The following PARD6A variants were observed in gnomAD, a reference collection of about 807,000 sequenced individuals.
PARD6A encodes partitioning defective 6 homolog alpha.
In PARD6A, 20 loss-of-function variants were observed where a neutral mutation model predicts 21.3. That is an observed-to-expected ratio of 0.94 (90% CI 0.66 to 1.36). The LOEUF is 1.36. PARD6A is among the 40% of genes most tolerant of loss of function. The pLI is 0.00. For missense variants in PARD6A, 411 were observed against 482.0 expected (o/e 0.85, Z 1.38); for synonymous variants, 214 against 204.8 (o/e 1.04, Z -0.38).
Position 67,661,942 on chromosome 16 carries a change from G to C in PARD6A, c.333G>C (p.Arg111=). ...CTTTTGCCTCCAACTCTCTGCAGCG[G>C]CGCAAGAAAGGGCTCTTGCTGCGGC... ...GLAFASNSLQ[R]RKKGLLLRPV... The change falls in exon 3 of 3, where the codon CGG becomes CGC. Residue 111 remains arginine (R), a synonymous_variant. Coordinates refer to ENST00000458121, the MANE Select transcript of PARD6A (RefSeq NM_001037281.2). The surrounding 1 kb of genome is among the most constrained non-coding windows in gnomAD (Gnocchi z 7.0). 1 of 1,610,046 alleles carries C rather than the reference G, an allele frequency of 6.2e-7. No homozygotes were observed. The highest frequency in any genetic ancestry group is 1.1e-5 in the South Asian group (1 of 91,026).
At position 67,662,111 on chromosome 16, in the gene PARD6A, C is replaced by T; in HGVS notation, c.502C>T (p.Leu168=). 2.5e-6 allele frequency: 4 copies of T among 1,613,830 alleles called. No individual in the cohort carries two copies. Among genetic ancestry groups the T allele is most frequent in the Non-Finnish European group, 3.4e-6 (4 of 1,179,974 alleles). The change falls in exon 3 of 3, where the codon CTG becomes TTG. Residue 168 remains leucine, a synonymous_variant. Transcript: ENST00000458121. This position sits in a 1 kb window ranked among gnomAD's most constrained non-coding sequence, Gnocchi z 6.9. ...GCACAAGCATGGTTCAGACCGCCCC[C>T]TGGGCTTCTACATCCGAGATGGCAT... ...RLHKHGSDRP[L]GFYIRDGMSV...
In PARD6A at chr16:67,661,404, A is replaced by G. The variant is rs1432455028; in HGVS notation, c.64-51A>G. ...CCATTCCTGCCAGCCTGCGGTGAGA[A>G]AGGGGCGCAGGCTGTCCTGACTCCT... is the stretch of plus-strand genomic sequence containing the variant. On this transcript the variant is annotated intron_variant, in intron 1 of 2. Coordinates refer to ENST00000458121, the MANE Select transcript of PARD6A (RefSeq NM_001037281.2). The surrounding 1 kb of genome is among the most constrained non-coding windows in gnomAD (Gnocchi z 7.0). 1 of 1,588,694 alleles carries G rather than the reference A, an allele frequency of 6.3e-7. No homozygotes were observed. Among genetic ancestry groups the G allele is most frequent in the South Asian group, 1.1e-5 (1 of 90,148 alleles).
rs748091478 is a variant in PARD6A, at chr16:67,662,437, T to C, written c.828T>C (p.Asp276=). The C allele has an allele frequency of 1.2e-6, 2 of 1,613,524 alleles. No individual in the cohort carries two copies. The highest frequency in any genetic ancestry group is 1.3e-5 in the African/African-American group (1 of 74,902). ...PSAGPGPAEP[D]SDDDSSDLVI... ...CAGGGCCTGGGCCTGCTGAGCCTGATAGTGACGATGACAGCAGTGACCTGG... is the reference window on the plus strand; with the variant it reads ...CAGGGCCTGGGCCTGCTGAGCCTGACAGTGACGATGACAGCAGTGACCTGG... Residue 276 remains aspartate, a synonymous_variant, in exon 3 of 3, where the codon GAT becomes GAC. Coordinates refer to ENST00000458121, the MANE Select transcript of PARD6A (RefSeq NM_001037281.2). This position sits in a 1 kb window ranked among gnomAD's most constrained non-coding sequence, Gnocchi z 6.9.
chr16:67,661,916 G>A lies in PARD6A; in HGVS notation c.307G>A (p.Ala103Thr). 6.2e-7 allele frequency: 1 copy of A among 1,602,128 alleles called. No individual in the cohort carries two copies. Among genetic ancestry groups the A allele is most frequent in the Non-Finnish European group, 8.5e-7 (1 of 1,176,706 alleles). ...AGCAGAAGCTGACTCCAGCGGCCTGGCTTTTGCCTCCAACTCTCTGCAGCG... is the reference window on the plus strand; with the variant it reads ...AGCAGAAGCTGACTCCAGCGGCCTGACTTTTGCCTCCAACTCTCTGCAGCG... The part of the protein sequence containing the change: ...QKREADSSGL[A>T]FASNSLQRRK... Residue 103 changes from alanine (A) to threonine (T), a missense_variant, in exon 3 of 3, where the codon GCT becomes ACT. Coordinates refer to ENST00000458121, the MANE Select transcript of PARD6A (RefSeq NM_001037281.2). The surrounding 1 kb of genome is among the most constrained non-coding windows in gnomAD (Gnocchi z 7.0).
chr16:67,661,533 G>T lies in PARD6A; in HGVS notation c.142G>T (p.Ala48Ser). Residue 48 changes from alanine (A) to serine (S), a missense_variant, in exon 2 of 3, where the codon GCG (alanine) becomes TCG (serine). Transcript: ENST00000458121. The surrounding 1 kb of genome is among the most constrained non-coding windows in gnomAD (Gnocchi z 7.0). ...CCAGGAGTTCTCGCGGTTGCTGCGG[G>T]CGGTGCACCAGATCCCGGGCCTGGA... ...GFQEFSRLLR[A>S]VHQIPGLDVL... 1 of 1,610,250 alleles carries T rather than the reference G, an allele frequency of 6.2e-7. No homozygotes were observed.
chr16:67,661,122 G>A lies in PARD6A; in HGVS notation c.63+21G>A, dbSNP rs1488215607. ...GCAAAGTAAGGGCTCCTCCGGCCTC[G>A]GCCCTAGGCGCTCCCAATTCCCTCT... On this transcript the variant is annotated intron_variant, in intron 1 of 2. Transcript: ENST00000458121. The surrounding 1 kb of genome is among the most constrained non-coding windows in gnomAD (Gnocchi z 7.0). The A allele has an allele frequency of 2.5e-6, 4 of 1,595,324 alleles. No individual in the cohort carries two copies. Among genetic ancestry groups the A allele is most frequent in the Non-Finnish European group, 3.4e-6 (4 of 1,164,468 alleles).
rs980964562 is a variant in PARD6A, at chr16:67,661,911, G to A, written c.302G>A (p.Gly101Asp). The A allele has an allele frequency of 6.3e-7, 1 of 1,599,362 alleles. No homozygotes were observed. The highest frequency in any genetic ancestry group is 8.5e-7 in the Non-Finnish European group (1 of 1,175,438). The change falls in exon 3 of 3, where the codon GGC becomes GAC. Residue 101 changes from glycine (G) to aspartate (D), a missense_variant. By Grantham distance (94) the Gly-to-Asp change is moderately conservative. Transcript: ENST00000458121. The surrounding 1 kb of genome is among the most constrained non-coding windows in gnomAD (Gnocchi z 7.0). ...LVQKREADSS[G>D]LAFASNSLQR... ...TCTGCAGCAGAAGCTGACTCCAGCG[G>A]CCTGGCTTTTGCCTCCAACTCTCTG... is the stretch of plus-strand genomic sequence containing the variant.
In PARD6A at chr16:67,662,556, G is replaced by A. The variant is rs199739793; in HGVS notation, c.947G>A (p.Arg316His). Residue 316 changes from arginine to histidine, a missense_variant, in exon 3 of 3, where the codon CGC (arginine) becomes CAC (histidine). Transcript: ENST00000458121. This position sits in a 1 kb window ranked among gnomAD's most constrained non-coding sequence, Gnocchi z 6.9. The stretch of plus-strand genomic sequence containing the variant: ...CCTGGCTGCCGACATCCTGGTACCC[G>A]CAGCTCTCTGCCCTCCCTGGATGAC... ...LHPGCRHPGT[R>H]SSLPSLDDQE... 55 of 1,612,968 alleles carry A rather than the reference G, an allele frequency of 3.4e-5. No homozygotes were observed. The East Asian group carries it at 5.1e-4, about 15-fold the overall frequency.
rs1173695990 is a variant in PARD6A, at chr16:67,661,220, C to T, written c.63+119C>T. The T allele has an allele frequency of 1.9e-6, 2 of 1,074,646 alleles. No homozygotes were observed. The highest frequency in any genetic ancestry group is 4.0e-4 in the Middle Eastern group (2 of 4,980). 66.6% of individuals were successfully genotyped at this position (1,074,646 alleles called of 1,614,324 possible). A position where few individuals can be genotyped will look rare whatever the true frequency, so the allele number is the denominator to read the frequency against. ...CTCCAAGTCCCATTCTGCTTTTCTG[C>T]TCGCCTTCCCCCATCCGTCTTCCTT... On this transcript the variant is annotated intron_variant, in intron 1 of 2. Transcript: ENST00000458121. The surrounding 1 kb of genome is among the most constrained non-coding windows in gnomAD (Gnocchi z 7.0).
Position 67,662,313 on chromosome 16 carries a change from T to C in PARD6A, c.704T>C (p.Val235Ala), listed in dbSNP as rs1206903193. 6.2e-6 allele frequency: 10 copies of C among 1,613,964 alleles called. No individual in the cohort carries two copies. The highest frequency in any genetic ancestry group is 8.5e-6 in the Non-Finnish European group (10 of 1,180,036). ...TTGGACCAAGTGACGGACATGATGG[T>C]TGCCAACAGCCATAACCTCATTGTC... ...KTLDQVTDMMVANSHNLIVTV... is the reference protein window; with the variant it reads ...KTLDQVTDMMAANSHNLIVTV... The change falls in exon 3 of 3, where the codon GTT becomes GCT. Residue 235 changes from valine (V) to alanine (A), a missense_variant. Physicochemically the swap from Val to Ala is moderately conservative, Grantham distance 64. Coordinates refer to ENST00000458121, the MANE Select transcript of PARD6A (RefSeq NM_001037281.2). The surrounding 1 kb of genome is among the most constrained non-coding windows in gnomAD (Gnocchi z 6.9).
In PARD6A at chr16:67,661,197, C is replaced by G; in HGVS notation, c.63+96C>G. The G allele has an allele frequency of 1.7e-6, 2 of 1,173,746 alleles. No individual in the cohort carries two copies. The highest frequency in any genetic ancestry group is 2.5e-6 in the Non-Finnish European group (2 of 787,600). 72.7% of individuals were successfully genotyped at this position (1,173,746 alleles called of 1,614,324 possible). On this transcript the variant is annotated intron_variant, in intron 1 of 2. Transcript: ENST00000458121. The surrounding 1 kb of genome is among the most constrained non-coding windows in gnomAD (Gnocchi z 7.0). Reference sequence around the variant, plus strand: ...CCCCGCCACCTCTTCCCTCTATCCTCCAAGTCCCATTCTGCTTTTCTGCTC... The same window carrying G: ...CCCCGCCACCTCTTCCCTCTATCCTGCAAGTCCCATTCTGCTTTTCTGCTC...
At position 67,661,447 on chromosome 16, in the gene PARD6A, A is replaced by G. The variant is rs146598152; in HGVS notation, c.64-8A>G. ...TGACTCCTCCTCTCCCCCAACCCCG[A>G]CTTCCAGTTTGACGCCGAGTTCCGA... On this transcript the variant is annotated splice_polypyrimidine_tract_variant and splice_region_variant and intron_variant, in intron 1 of 2. Transcript: ENST00000458121. This position sits in a 1 kb window ranked among gnomAD's most constrained non-coding sequence, Gnocchi z 7.0. 1,350 of 1,605,762 alleles carry G rather than the reference A, an allele frequency of 8.4e-4. 8 individuals carry two copies. In the African/African-American group the frequency reaches 0.016, roughly 20 times the overall value.
rs1390906875 is a variant in PARD6A at position 67,662,397 on chromosome 16, C to A, written c.788C>A (p.Thr263Lys). The A allele has an allele frequency of 8.7e-6, 14 of 1,613,942 alleles. No homozygotes were observed. The highest frequency in any genetic ancestry group is 1.2e-5 in the Non-Finnish European group (14 of 1,180,022). The change falls in exon 3 of 3, where the codon ACA (threonine) becomes AAA (lysine). Residue 263 changes from threonine to lysine, a missense_variant. Coordinates refer to ENST00000458121, the MANE Select transcript of PARD6A (RefSeq NM_001037281.2). The surrounding 1 kb of genome is among the most constrained non-coding windows in gnomAD (Gnocchi z 6.9). ...NVVRGASGRL[T>K]GPPSAGPGPA... ...GTGCGAGGGGCATCTGGGCGTTTGA[C>A]AGGTCCTCCCTCTGCAGGGCCTGGG...
In PARD6A at chr16:67,661,772, C is replaced by T. The variant is rs1364749579; in HGVS notation, c.286+95C>T. 2.6e-6 allele frequency: 4 copies of T among 1,551,982 alleles called. No homozygotes were observed. The highest frequency in any genetic ancestry group is 3.5e-6 in the Non-Finnish European group (4 of 1,155,494). On this transcript the variant is annotated intron_variant, in intron 2 of 2. Transcript: ENST00000458121. The surrounding 1 kb of genome is among the most constrained non-coding windows in gnomAD (Gnocchi z 7.0). ...CCATGCCCAGGGTACCCAAGCGTCA[C>T]CCTCTGCAGTCCCTGCCCTTGGCTT... is the stretch of plus-strand genomic sequence containing the variant.
chr16:67,661,088 A>G lies in PARD6A; in HGVS notation c.50A>G (p.Glu17Gly). 6.2e-7 allele frequency: 1 copy of G among 1,609,456 alleles called. No individual in the cohort carries two copies. The highest frequency in any genetic ancestry group is 8.5e-7 in the Non-Finnish European group (1 of 1,177,796). Residue 17 changes from glutamate to glycine, a missense_variant, in exon 1 of 3, where the codon GAG becomes GGG. Coordinates refer to ENST00000458121, the MANE Select transcript of PARD6A (RefSeq NM_001037281.2). The surrounding 1 kb of genome is among the most constrained non-coding windows in gnomAD (Gnocchi z 7.0). ...GCGCGCAGTCCCGATAGCATCGTCG[A>G]GGTGAAGAGCAAAGTAAGGGCTCCT... is the stretch of plus-strand genomic sequence containing the variant. ...TPARSPDSIV[E>G]VKSKFDAEFR...
chr16:67,662,075 C>A lies in PARD6A; in HGVS notation c.466C>A (p.Arg156=), dbSNP rs780815813. The A allele has an allele frequency of 9.3e-6, 15 of 1,613,702 alleles. No homozygotes were observed. Among genetic ancestry groups the A allele is most frequent in the South Asian group, 3.3e-5 (3 of 91,090 alleles). Residue 156 remains arginine (R), a synonymous_variant, in exon 3 of 3, where the codon CGG becomes AGG. Transcript: ENST00000458121. This position sits in a 1 kb window ranked among gnomAD's most constrained non-coding sequence, Gnocchi z 6.9. ...DVDLLPETHR[R]VRLHKHGSDR... ...GGACCTACTGCCTGAGACCCACCGA[C>A]GGGTGCGGCTGCACAAGCATGGTTC... is the stretch of plus-strand genomic sequence containing the variant.
At position 67,662,661 on chromosome 16, in the gene PARD6A, G is replaced by C; in HGVS notation, c.*14G>C. 1 of 1,525,030 alleles carries C rather than the reference G, an allele frequency of 6.6e-7. No individual in the cohort carries two copies. Among genetic ancestry groups the C allele is most frequent in the South Asian group, 1.3e-5 (1 of 78,700 alleles). 94.5% of individuals were successfully genotyped at this position (1,525,030 alleles called of 1,614,324 possible). On this transcript the variant is annotated 3_prime_UTR_variant, in exon 3 of 3. Coordinates refer to ENST00000458121, the MANE Select transcript of PARD6A (RefSeq NM_001037281.2). This position sits in a 1 kb window ranked among gnomAD's most constrained non-coding sequence, Gnocchi z 6.9. ...TTCAGCCTCTGACAGTCAGGATGAAGCCCCATGCCACTCCACACTGCTGGG... is the reference window on the plus strand; with the variant it reads ...TTCAGCCTCTGACAGTCAGGATGAACCCCCATGCCACTCCACACTGCTGGG...
chr16:67,662,386 T>C lies in PARD6A; in HGVS notation c.777T>C (p.Ser259=). The C allele has an allele frequency of 6.2e-7, 1 of 1,614,086 alleles. No homozygotes were observed. Among genetic ancestry groups the C allele is most frequent in the South Asian group, 1.1e-5 (1 of 91,092 alleles). The change falls in exon 3 of 3, where the codon TCT becomes TCC. Residue 259 remains serine, a synonymous_variant. Coordinates refer to ENST00000458121, the MANE Select transcript of PARD6A (RefSeq NM_001037281.2). The surrounding 1 kb of genome is among the most constrained non-coding windows in gnomAD (Gnocchi z 6.9). ...GCAATAACGTGGTGCGAGGGGCATC[T>C]GGGCGTTTGACAGGTCCTCCCTCTG... ...NQRNNVVRGA[S]GRLTGPPSAG... is the part of the protein sequence containing the mutation.
In PARD6A at chr16:67,661,019, C is replaced by T. The variant is rs1251052737; in HGVS notation, c.-20C>T. 7.5e-6 allele frequency: 11 copies of T among 1,469,304 alleles called. No homozygotes were observed. Among genetic ancestry groups the T allele is most frequent in the Non-Finnish European group, 1.0e-5 (11 of 1,099,238 alleles). 91.0% of individuals were successfully genotyped at this position (1,469,304 alleles called of 1,614,324 possible). A position where few individuals can be genotyped will look rare whatever the true frequency, so the allele number is the denominator to read the frequency against. The stretch of plus-strand genomic sequence containing the variant: ...CGGCGGGCCGCCTGGGGCACCGTCC[C>T]CGGCCCGCCCGGCCCCGCCATGGCC... On this transcript the variant is annotated 5_prime_UTR_variant, in exon 1 of 3. Transcript: ENST00000458121. This position sits in a 1 kb window ranked among gnomAD's most constrained non-coding sequence, Gnocchi z 7.0.
Sources: gnomAD v4.1 joint callset for allele counts on GRCh38, gnomAD v4.1.1 for gene constraint, Gnocchi (gnomAD v3.1) non-coding constraint, MANE v1.5 for transcripts, NCBI Gene and HGNC (gene_info 2026-07-23, HGNC 2026-07-21) for gene names.